Variants in METAP1 observed in about 807,000 individuals in gnomAD.
The protein encoded by METAP1 is methionine aminopeptidase 1.
In METAP1, 28 loss-of-function variants were observed where a neutral mutation model predicts 53.8. That is an observed-to-expected ratio of 0.52 (90% confidence interval 0.39 to 0.71). METAP1 has a LOEUF of 0.71. Among genes scored for constraint, METAP1 ranks in the 30% least tolerant of loss-of-function variants. The pLI is 0.00. For missense variants in METAP1, 389 were observed against 479.8 expected, an observed-to-expected ratio of 0.81 and a Z score of 1.77; for synonymous variants, 181 against 165.7, an observed-to-expected ratio of 1.09 and a Z score of -0.71.
Position 99,017,850 on chromosome 4 carries a change from A to T in METAP1, c.115-11017A>T, listed in dbSNP as rs78874641. 2.6e-3 allele frequency among the ~76,000 whole-genome samples: 403 copies of T among 152,370 alleles called. 4 individuals are homozygous for T. Among genetic ancestry groups the T allele is most frequent in the African/African-American group, 9.2e-3 (382 of 41,598 alleles). On this transcript the variant is annotated intron_variant, in intron 1 of 10. Transcript: ENST00000296411. ...GGACAGCCACTGGCAACTGGATCTA[A>T]GACTTTGGACAGAAAGGCAACTGGT...
intron 9 of METAP1, among the ~76,000 whole-genome samples, chr4:99,052,969 ACTTT>A (rs1246914958): frequency 7.2e-5 from 11 of 152,262 alleles, no homozygotes; most frequent in East Asian, 1.9e-4. Context: ...TCAAGAAACT[ACTTT>A]CTTTGTTTAT....
intron 9 of METAP1, among the ~76,000 whole-genome samples, chr4:99,053,171 C>T (rs940129712): frequency 6.6e-6 from 1 of 152,212 alleles, no homozygotes; most frequent in African/African-American, 2.4e-5. Context: ...CTGCCCAACT[C>T]ATGTTAATAT....
At chr4:99,018,700 A>G (rs541660113) in intron 1 of METAP1, among the ~76,000 whole-genome samples, 10 of 152,144 alleles carry the variant, frequency 6.6e-5, no homozygotes, top group Non-Finnish European at 1.2e-4. Context: ...TAGCTCTGAG[A>G]TCTTGTACTA....
Position 99,046,222 on chromosome 4 carries a change from C to T in METAP1, c.787+912C>T, listed in dbSNP as rs547877921. ...TGAGGTCAAGAGTTCGAGACCAGCCCGGCCAACATGGTGAAACCCTGTCTC... is the reference window on the plus strand; with the variant it reads ...TGAGGTCAAGAGTTCGAGACCAGCCTGGCCAACATGGTGAAACCCTGTCTC... On this transcript the variant is annotated intron_variant, in intron 8 of 10. Transcript: ENST00000296411. Among the ~76,000 whole-genome samples, 78 of 151,904 alleles carry T rather than the reference C, an allele frequency of 5.1e-4. 1 individual carries two copies. The highest frequency in any genetic ancestry group is 1.7e-3 in the African/African-American group (72 of 41,424).
chr4:98,995,727 G>A lies in METAP1; in HGVS notation c.-27G>A. ...CTCCCGCCGCCGCCTCTTCCTCGGT[G>A]AGGCGCTCTTCCAGCGGGCAGGCAG... On this transcript the variant is annotated 5_prime_UTR_variant, in exon 1 of 11. Transcript: ENST00000296411. 6.5e-7 allele frequency: 1 copy of A among 1,537,430 alleles called. No individual in the cohort carries two copies.
chr4:99,034,144 A>G (rs1422190383), intron 2 of METAP1, 86 bp from the exon 3 acceptor site: 1 of 798,800 alleles, frequency 1.3e-6, no homozygotes. Context: ...TATTCAAAGT[A>G]TGCTGCTGCT....
Position 99,039,416 on chromosome 4 carries a change from T to C in METAP1, c.383T>C (p.Ile128Thr). ...CAGGCTCTTAAAGGTACTTCTCAGATTAAATTACTCTCATCTGAAGATATA... is the reference window on the plus strand; with the variant it reads ...CAGGCTCTTAAAGGTACTTCTCAGACTAAATTACTCTCATCTGAAGATATA... The part of the protein sequence containing the change: ...SEQALKGTSQ[I>T]KLLSSEDIEG... Residue 128 changes from isoleucine (I) to threonine (T), a missense_variant, in exon 5 of 11, where the codon ATT becomes ACT. Physicochemically the swap from Ile to Thr is moderately conservative, Grantham distance 89. Transcript: ENST00000296411. 2 of 1,612,052 alleles carry C rather than the reference T, an allele frequency of 1.2e-6. No individual in the cohort carries two copies. The highest frequency in any genetic ancestry group is 1.7e-6 in the Non-Finnish European group (2 of 1,178,554).
intron 2 of METAP1, among the ~76,000 whole-genome samples, chr4:99,029,212 T>C (rs1447517383): frequency 1.3e-5 from 2 of 152,206 alleles, no homozygotes; most frequent in Non-Finnish European, 2.9e-5. Flanking sequence ...CACTGTTATG[T>C]TGCTGGAAGT....
At chr4:99,038,707 G>T (rs1324948416) in intron 4 of METAP1, among the ~76,000 whole-genome samples, 1 of 152,024 alleles carries the variant, frequency 6.6e-6, no homozygotes, top group African/African-American at 2.4e-5. Context: ...AATTTTATTA[G>T]TGAAGATTTT....
intron 1 of METAP1, among the ~76,000 whole-genome samples, chr4:99,002,727 G>A (rs1722980034): frequency 6.6e-6 from 1 of 152,148 alleles, no homozygotes; most frequent in Non-Finnish European, 1.5e-5. Flanking sequence ...GCTCAGTAAA[G>A]ATTTCTTCCT....
At chr4:99,029,364 AC>A (rs1724825122) in intron 2 of METAP1, among the ~76,000 whole-genome samples, 1 of 152,134 alleles carries the variant, frequency 6.6e-6, no homozygotes, top group Non-Finnish European at 1.5e-5. Flanking sequence ...TAATGTTATT[AC>A]CTGCAGTCTT....
intron 1 of METAP1, among the ~76,000 whole-genome samples, chr4:99,018,296 C>A (rs1723896167): frequency 6.6e-6 from 1 of 152,176 alleles, no homozygotes; most frequent in Non-Finnish European, 1.5e-5. Flanking sequence ...CCCGCAGTCC[C>A]TTAGAGTATA....
chr4:99,045,391 T>G, intron 8 of METAP1, 81 bp downstream of exon 8: 1 of 1,490,624 alleles, frequency 6.7e-7, no homozygotes, highest in Non-Finnish European at 9.0e-7. Flanking sequence ...GTTCTGTGCA[T>G]TCCTTGTACC....
chr4:99,022,855 C>T (rs935949890), intron 1 of METAP1: 50 of 1,554,006 alleles, frequency 3.2e-5, no homozygotes, highest in Non-Finnish European at 3.7e-5. Context: ...TTCCCTCCCA[C>T]GGCTGCTGCT....
At chr4:99,022,437 A>T (rs540305983) in intron 1 of METAP1, 1 of 629,394 alleles carries the variant, frequency 1.6e-6, no homozygotes, top group Non-Finnish European at 2.7e-6. Flanking sequence ...GAGCCCATTC[A>T]CACCCTACTG....
intron 5 of METAP1, 112 bp downstream of exon 5, chr4:99,039,577 C>G: frequency 1.7e-6 from 1 of 577,778 alleles, no homozygotes; most frequent in Non-Finnish European, 2.9e-6. Context: ...TTAGACTGAC[C>G]AGCCATGCTT....
At chr4:98,999,225 G>T (rs1560688369) in intron 1 of METAP1, among the ~76,000 whole-genome samples, 2 of 152,074 alleles carry the variant, frequency 1.3e-5, no homozygotes, top group Non-Finnish European at 2.9e-5. Flanking sequence ...TTAAATGTTT[G>T]AATTAATGGA....
chr4:99,045,296 A>G lies in METAP1; in HGVS notation c.773A>G (p.Gln258Arg). 1.2e-6 allele frequency: 2 copies of G among 1,613,764 alleles called. No homozygotes were observed. The highest frequency in any genetic ancestry group is 1.7e-6 in the Non-Finnish European group (2 of 1,179,762). The change falls in exon 8 of 11, where the codon CAA (glutamine) becomes CGA (arginine). Residue 258 changes from glutamine to arginine, a missense_variant. By Grantham distance (43) the Gln-to-Arg change is conservative. Coordinates refer to ENST00000296411, the MANE Select transcript of METAP1 (RefSeq NM_015143.3). ...LVQTTYECLM[Q>R]AIDAVKPGVR... Reference sequence around the variant, plus strand: ...CAGACCACATATGAGTGCCTGATGCAAGCCATTGATGCAGGTCAGCCTCAG... The same window carrying G: ...CAGACCACATATGAGTGCCTGATGCGAGCCATTGATGCAGGTCAGCCTCAG...
At chr4:99,011,214 G>C (rs1723449999) in intron 1 of METAP1, among the ~76,000 whole-genome samples, 1 of 152,072 alleles carries the variant, frequency 6.6e-6, no homozygotes, top group African/African-American at 2.4e-5. Flanking sequence ...AGTGATGAGA[G>C]CTGGCATCTT....
Sources: allele counts gnomAD v4.1 joint callset (sites outside exome capture counted in the v4.1 genomes callset), GRCh38; gene constraint gnomAD v4.1.1; transcripts MANE v1.5; gene names NCBI Gene and HGNC (gene_info 2026-07-23, HGNC 2026-07-21).